The following INAVA variants were observed in gnomAD, a reference collection of about 807,000 sequenced individuals.
The protein encoded by INAVA is innate immunity activator protein.
Under a neutral mutation model 55.3 loss-of-function variants are expected in INAVA, and 32 were observed. The observed-to-expected ratio is 0.58, with a 90% CI of 0.44 to 0.78. INAVA has a LOEUF of 0.78. Ranked by LOEUF, INAVA falls within the 30% of genes least tolerant of loss-of-function variation. The pLI, the probability that INAVA is intolerant of heterozygous loss-of-function variation, is 0.00. For synonymous variants in INAVA, 294 were observed against 329.4 expected, an observed-to-expected ratio of 0.89 and a Z score of 1.16; for missense variants, 756 against 786.4, an observed-to-expected ratio of 0.96 and a Z score of 0.46.
chr1:200,894,504 T>C (rs1029740496), upstream of INAVA, among the ~76,000 whole-genome samples: 1 of 152,172 alleles, frequency 6.6e-6, no homozygotes, highest in Non-Finnish European at 1.5e-5. Flanking sequence ...CCCTGTCAGT[T>C]TGTAAATGTC....
chr1:200,899,369 GTGTGCA>G, intron 2 of INAVA, 98 bp from the exon 3 acceptor site: 3 of 658,092 alleles, frequency 4.6e-6, no homozygotes, highest in Non-Finnish European at 7.3e-6. Flanking sequence ...GTGTGTGTGT[GTGTGCA>G]TGTGTGTGCA....
chr1:200,908,025 C>A, intron 6 of INAVA, 138 bp downstream of exon 6: 1 of 613,156 alleles, frequency 1.6e-6, no homozygotes. Flanking sequence ...GCTTGGACTT[C>A]ATGTCAATTT....
chr1:200,907,032 C>T (rs1417877700), intron 5 of INAVA, among the ~76,000 whole-genome samples: 1 of 152,052 alleles, frequency 6.6e-6, no homozygotes, highest in Non-Finnish European at 1.5e-5. Flanking sequence ...CACCATCTTG[C>T]CCAGGTGGGT....
At chr1:200,894,354 TC>T (rs1170360800), upstream of INAVA, among the ~76,000 whole-genome samples, 2 of 152,174 alleles carry the variant, frequency 1.3e-5, no homozygotes, top group South Asian at 2.1e-4. Context: ...AACAGCCTGA[TC>T]CTCTCTCTCT....
chr1:200,900,195 T>C lies in INAVA; in HGVS notation c.272T>C (p.Leu91Pro). 1 of 1,614,074 alleles carries C rather than the reference T, an allele frequency of 6.2e-7. No homozygotes were observed. Among genetic ancestry groups the C allele is most frequent in the Middle Eastern group, 1.7e-4 (1 of 6,060 alleles). Residue 91 changes from leucine to proline, a missense_variant, in exon 4 of 10, where the codon CTG (leucine) becomes CCG (proline). Physicochemically the swap from Leu to Pro is moderately conservative, Grantham distance 98. This residue lies in a region of INAVA where 639 missense variants were observed against 624.3 expected (regional missense o/e 1.02). Coordinates refer to ENST00000413687, the MANE Select transcript of INAVA (RefSeq NM_001142569.3). Reference protein sequence around the residue: ...VRRRIGAAYKLDDWALHREDP... With the variant: ...VRRRIGAAYKPDDWALHREDP... ...CGCAGGATCGGAGCGGCTTACAAAC[T>C]GGATGACTGGGCCTTGCACAGAGAG...
At chr1:200,894,796 T>G, upstream of INAVA, 2 of 985,530 alleles carry the variant, frequency 2.0e-6, no homozygotes, top group Non-Finnish European at 2.4e-6. Context: ...GCCCAGGAGC[T>G]GCCTGCTGGC....
intron 5 of INAVA, among the ~76,000 whole-genome samples, chr1:200,904,939 T>A (rs1027018903): frequency 6.6e-6 from 1 of 152,136 alleles, no homozygotes; most frequent in Admixed American, 6.6e-5. Context: ...AGAGATGGGA[T>A]CTTGCTATAT....
intron 5 of INAVA, among the ~76,000 whole-genome samples, chr1:200,901,621 G>A (rs1653259630): frequency 6.6e-6 from 1 of 152,350 alleles, no homozygotes; most frequent in East Asian, 1.9e-4. Context: ...AGGGTTTGAC[G>A]ATTGCTATGT....
intron 4 of INAVA, among the ~76,000 whole-genome samples, chr1:200,900,475 T>C (rs1157624349): frequency 6.6e-6 from 1 of 152,176 alleles, no homozygotes; most frequent in African/African-American, 2.4e-5. Context: ...AGAAGATCAG[T>C]TAAGAGCACC....
chr1:200,906,062 T>C (rs192333067), intron 5 of INAVA: 1 of 152,394 alleles, frequency 6.6e-6, no homozygotes, highest in East Asian at 1.9e-4. Flanking sequence ...TACGTGGTTG[T>C]TATGAGAATT....
chr1:200,897,833 G>T (rs985981319), intron 1 of INAVA, among the ~76,000 whole-genome samples: 5 of 152,116 alleles, frequency 3.3e-5, no homozygotes, highest in Admixed American at 6.6e-5. Context: ...AGTTGTCCAG[G>T]CTGGTCTTGA....
upstream of INAVA, chr1:200,891,542 T>A (rs1377643632): frequency 2.5e-6 from 4 of 1,602,690 alleles, no homozygotes. Context: ...ACATTTGGGA[T>A]GCTGCAAATG....
At chr1:200,908,680 G>C (rs781021883) in intron 6 of INAVA, 50 bp from the exon 7 acceptor site, 1 of 1,468,254 alleles carries the variant, frequency 6.8e-7, no homozygotes, top group Non-Finnish European at 9.1e-7. Context: ...GTTCTTGTTG[G>C]GCCGGTTCCC....
At chr1:200,891,989 C>A (rs777129554), upstream of INAVA, among the ~76,000 whole-genome samples, 3 of 152,058 alleles carry the variant, frequency 2.0e-5, no homozygotes, top group Non-Finnish European at 4.4e-5. Flanking sequence ...ATGTGGAGGG[C>A]GCAGTGGGGG....
intron 6 of INAVA, chr1:200,908,275 A>G (rs1653574633): frequency 4.6e-6 from 1 of 218,452 alleles, no homozygotes; most frequent in East Asian, 1.1e-4. Context: ...ACACAAGTCT[A>G]TAGATTAAGA....
At chr1:200,909,005 G>T (rs1653609345) in intron 7 of INAVA, 65 bp downstream of exon 7, 27 of 1,508,038 alleles carry the variant, frequency 1.8e-5, no homozygotes, top group Non-Finnish European at 2.3e-5. Flanking sequence ...CTATGCTGGG[G>T]ATGGCTATAG....
At chr1:200,905,147 C>A (rs144794135) in intron 5 of INAVA, among the ~76,000 whole-genome samples, 1 of 152,192 alleles carries the variant, frequency 6.6e-6, no homozygotes, top group Non-Finnish European at 1.5e-5. Context: ...TACTTGTGAG[C>A]CAAGCAAAGC....
chr1:200,891,626 A>G (rs781309328), upstream of INAVA: 5 of 1,533,134 alleles, frequency 3.3e-6, no homozygotes, highest in Non-Finnish European at 4.4e-6. Context: ...TGGCCTGGAC[A>G]AACAGGTCCT....
intron 6 of INAVA, chr1:200,908,462 T>G: frequency 2.8e-6 from 1 of 354,954 alleles, no homozygotes. Context: ...GAACAAAGGT[T>G]AGAAAGTGGA....
Sources: allele counts gnomAD v4.1 joint callset (sites outside exome capture counted in the v4.1 genomes callset), GRCh38; gene constraint gnomAD v4.1.1; regional missense constraint gnomAD v4.1.1; transcripts MANE v1.5; gene names NCBI Gene and HGNC (gene_info 2026-07-23, HGNC 2026-07-21).